Variants in AFF3 observed in about 807,000 individuals in gnomAD.
AFF3 encodes the protein AF4/FMR2 family member 3.
A neutral mutation model predicts 129.7 loss-of-function variants in AFF3; 32 were observed. The observed-to-expected ratio is 0.25, with a 90% CI of 0.19 to 0.33. AFF3 has a LOEUF of 0.33. Ranked by LOEUF, AFF3 falls within the 10% of genes least tolerant of loss-of-function variation. The probability of loss-of-function intolerance (pLI) is 1.00; values close to 1 mark genes in which losing one functional copy is unlikely to be tolerated. For synonymous variants in AFF3, 644 were observed against 635.4 expected, an observed-to-expected ratio of 1.01 and a Z score of -0.20; for missense variants, 1,373 against 1,592.0, an observed-to-expected ratio of 0.86 and a Z score of 2.34.
At chr2:99,830,131 G>C (rs538662621) in intron 8 of AFF3, among the ~76,000 whole-genome samples, 1 of 152,210 alleles carries the variant, frequency 6.6e-6, no homozygotes, top group East Asian at 1.9e-4. Context: ...AGAGGGTGGA[G>C]GGCAAGGGAG....
chr2:99,617,921 G>A (rs1304658283), intron 13 of AFF3, among the ~76,000 whole-genome samples: 2 of 152,190 alleles, frequency 1.3e-5, no homozygotes, highest in South Asian at 2.1e-4. Flanking sequence ...CCCAGATCTC[G>A]GGCTCCTAAT....
At chr2:99,989,494 A>G (rs1194131777) in intron 7 of AFF3, among the ~76,000 whole-genome samples, 1 of 152,242 alleles carries the variant, frequency 6.6e-6, no homozygotes, top group African/African-American at 2.4e-5. Flanking sequence ...ACAATGGTTT[A>G]TATTTTTAAT....
At chr2:99,711,903 C>T (rs564468581) in intron 11 of AFF3, among the ~76,000 whole-genome samples, 2 of 152,276 alleles carry the variant, frequency 1.3e-5, no homozygotes, top group Non-Finnish European at 2.9e-5. Context: ...CAATCTCCCA[C>T]AGCCCGGGCG....
intron 8 of AFF3, among the ~76,000 whole-genome samples, chr2:99,767,849 G>A (rs1683152876): frequency 6.6e-6 from 1 of 152,212 alleles, no homozygotes; most frequent in Admixed American, 6.5e-5. Context: ...GGAGGCTGAG[G>A]CAGGAGAATA....
rs765468663 is a variant in AFF3, at chr2:99,907,082, C to T, written c.874-69558G>A. ...AATGAGCCACAGTCTTTAAAATCAACCTCCCTCAACCCCTTAATGACAAGC... is the reference window on the plus strand; with the variant it reads ...AATGAGCCACAGTCTTTAAAATCAATCTCCCTCAACCCCTTAATGACAAGC... On this transcript the variant is annotated intron_variant, in intron 7 of 24. Transcript: ENST00000672756. Among the ~76,000 whole-genome samples, 126 of 152,140 alleles carry T rather than the reference C, an allele frequency of 8.3e-4. 3 individuals carry two copies. The highest frequency in any genetic ancestry group is 2.8e-4 in the Non-Finnish European group (19 of 68,024).
Position 100,048,757 on chromosome 2 carries a change from G to C in AFF3, c.54-39825C>G, listed in dbSNP as rs147558933. On this transcript the variant is annotated intron_variant, in intron 4 of 24. Coordinates refer to ENST00000672756, the MANE Select transcript of AFF3 (RefSeq NM_001386135.1). ...TTTTTAATGCAAATCTTAATATATG[G>C]TGTGCAAAATGTAGAAATGTATGAG... Among the ~76,000 whole-genome samples, 19 of 152,228 alleles carry C rather than the reference G, an allele frequency of 1.2e-4. No individual in the cohort carries two copies. In the East Asian group the frequency reaches 3.7e-3, roughly 29 times the overall value.
intron 4 of AFF3, among the ~76,000 whole-genome samples, chr2:100,098,341 G>T (rs920237777): frequency 6.6e-6 from 1 of 152,010 alleles, no homozygotes; most frequent in African/African-American, 2.4e-5. Context: ...CTTTTATGGG[G>T]CCTCGATTTT....
chr2:99,812,327 C>T (rs7595119), intron 8 of AFF3, among the ~76,000 whole-genome samples: 6,394 of 152,182 alleles, frequency 0.042, 483 homozygotes, highest in African/African-American at 0.15. Flanking sequence ...GTCTTCCTTC[C>T]GATACCCTCT....
chr2:99,894,418 G>C (rs1198447297), intron 7 of AFF3, among the ~76,000 whole-genome samples: 2 of 152,028 alleles, frequency 1.3e-5, no homozygotes, highest in Non-Finnish European at 2.9e-5. Flanking sequence ...GCAGTGTCTG[G>C]TACTTCATCA....
intron 11 of AFF3, among the ~76,000 whole-genome samples, chr2:99,675,603 G>A (rs1408879793): frequency 3.3e-5 from 5 of 152,340 alleles, no homozygotes; most frequent in Non-Finnish European, 1.5e-5. Context: ...ACAACTCCAT[G>A]TTGAATGCTG....
intron 7 of AFF3, among the ~76,000 whole-genome samples, chr2:99,962,605 C>T (rs1476855706): frequency 6.6e-6 from 1 of 151,848 alleles, no homozygotes; most frequent in Non-Finnish European, 1.5e-5. Flanking sequence ...TTAAAAAATA[C>T]TATAACAGAA....
chr2:100,070,566 T>C (rs906450191), intron 4 of AFF3, among the ~76,000 whole-genome samples: 24 of 152,216 alleles, frequency 1.6e-4, no homozygotes, highest in Non-Finnish European at 2.8e-4. Context: ...AAGTTATAAG[T>C]TGAATTCTAA....
At chr2:99,669,669 T>A (rs1686980108) in intron 12 of AFF3, among the ~76,000 whole-genome samples, 1 of 152,220 alleles carries the variant, frequency 6.6e-6, no homozygotes, top group African/African-American at 2.4e-5. Context: ...ATATCATTTT[T>A]ATAAATCATA....
chr2:100,031,144 AG>A (rs1388019694), intron 4 of AFF3, among the ~76,000 whole-genome samples: 1 of 152,218 alleles, frequency 6.6e-6, no homozygotes, highest in Non-Finnish European at 1.5e-5. Context: ...AAAAGACAAA[AG>A]GAACTTCATA....
At chr2:99,669,364 A>G (rs2104423466) in intron 12 of AFF3, among the ~76,000 whole-genome samples, 1 of 152,368 alleles carries the variant, frequency 6.6e-6, no homozygotes, top group African/African-American at 2.4e-5. Flanking sequence ...TACACACATA[A>G]TGAAATAGGA....
intron 8 of AFF3, among the ~76,000 whole-genome samples, chr2:99,792,382 G>A (rs1157085475): frequency 1.3e-5 from 2 of 152,110 alleles, no homozygotes; most frequent in East Asian, 3.9e-4. Context: ...TGAGGTGGGA[G>A]GATCTCCTGA....
intron 8 of AFF3, among the ~76,000 whole-genome samples, chr2:99,765,238 T>C (rs1488093704): frequency 5.9e-5 from 9 of 152,168 alleles, no homozygotes; most frequent in Non-Finnish European, 1.2e-4. Context: ...CTCTTTCATA[T>C]ATACTTAAAG....
intron 7 of AFF3, among the ~76,000 whole-genome samples, chr2:99,909,994 A>G (rs559498138): frequency 6.6e-6 from 1 of 152,310 alleles, no homozygotes; most frequent in Admixed American, 6.5e-5. Context: ...TAGGGTCTTT[A>G]CAGAGGTAAT....
intron 13 of AFF3, among the ~76,000 whole-genome samples, chr2:99,616,649 G>A (rs972132013): frequency 5.3e-5 from 8 of 151,996 alleles, no homozygotes; most frequent in African/African-American, 9.7e-5. Context: ...CCAGCTACTC[G>A]GGAGGCTGAG....
Sources: allele counts gnomAD v4.1 joint callset (sites outside exome capture counted in the v4.1 genomes callset), GRCh38; gene constraint gnomAD v4.1.1; transcripts MANE v1.5; gene names NCBI Gene and HGNC (gene_info 2026-07-23, HGNC 2026-07-21).